The following C3 variants were observed in gnomAD, a reference collection of about 807,000 sequenced individuals.
C3 encodes complement C3.
In C3, 97 loss-of-function variants were observed where a neutral mutation model predicts 207.9. That is an observed-to-expected ratio of 0.47 (90% CI 0.40 to 0.55). C3 has a LOEUF of 0.55. C3 is among the 20% of genes least tolerant of loss of function. C3 has a pLI of 0.00. For synonymous variants in C3, 848 were observed against 857.6 expected (o/e 0.99, Z 0.20); for missense variants, 1,684 against 2,171.7 (o/e 0.78, Z 4.46).
chr19:6,715,771 G>A (rs952649975), intron 4 of C3, among the ~76,000 whole-genome samples: 2 of 150,436 alleles, frequency 1.3e-5, no homozygotes, highest in African/African-American at 4.9e-5. Flanking sequence ...ACAGGTGCCC[G>A]CCACCACGCC....
intron 2 of C3, among the ~76,000 whole-genome samples, 162 bp from the exon 3 acceptor site, chr19:6,718,574 G>C (rs1349985632): frequency 6.6e-6 from 1 of 151,894 alleles, no homozygotes; most frequent in Non-Finnish European, 1.5e-5. Context: ...GGTGCGAGGG[G>C]AGAGGGGGGA....
Position 6,719,493 on chromosome 19 carries a change from C to CA in C3, c.75-91_75-90insT. The CA allele has an allele frequency of 8.3e-7, 1 of 1,198,658 alleles. No individual in the cohort carries two copies. The highest frequency in any genetic ancestry group is 1.2e-6 in the Non-Finnish European group (1 of 821,716). 74.3% of individuals were successfully genotyped at this position (1,198,658 alleles called of 1,614,324 possible). On this transcript the variant is annotated intron_variant, in intron 1 of 40. Transcript: ENST00000245907. The surrounding 1 kb of genome is among the most constrained non-coding windows in gnomAD (Gnocchi z 5.4). ...GAGTCAGCGCCTGGCAGGCTGTGTG[C>CA]CCCAGCCTCTGGTCCTGGAGAGGAT...
intron 26 of C3, among the ~76,000 whole-genome samples, chr19:6,691,045 G>C (rs1481863664): frequency 6.9e-6 from 1 of 145,414 alleles, no homozygotes; most frequent in Admixed American, 7.1e-5. Flanking sequence ...AGCTCCTCAA[G>C]AGATATACAC....
rs1036878128 is a variant in C3, at chr19:6,684,427, T to C, written c.4133A>G (p.Gln1378Arg). The stretch of plus-strand genomic sequence containing the variant: ...AAGGATCATAGTGTTCTTGGCATCC[T>C]GAGGCCTCTTTTCTAGAAACACAGA... ...KPAPETEKRP[Q>R]DAKNTMILEI... The change falls in exon 33 of 41, where the codon CAG (glutamine) becomes CGG (arginine). Residue 1378 changes from glutamine (Q) to arginine (R), a missense_variant. By Grantham distance (43) the Gln-to-Arg change is conservative. Transcript: ENST00000245907. The C allele has an allele frequency of 1.2e-6, 2 of 1,613,826 alleles. No individual in the cohort carries two copies. Among genetic ancestry groups the C allele is most frequent in the Non-Finnish European group, 8.5e-7 (1 of 1,179,680 alleles).
rs755688377 is a variant in C3, at chr19:6,677,890, G to A, written c.4984C>T (p.Pro1662Ser). ...GGGGAATGGGGGTGTGGTCAGTTGGGGCACCCAAAGACAACCATGCTCTCG... is the reference window on the plus strand; with the variant it reads ...GGGGAATGGGGGTGTGGTCAGTTGGAGCACCCAAAGACAACCATGCTCTCG... Reference protein sequence around the residue: ...FTESMVVFGCPN With the variant: ...FTESMVVFGCSN Residue 1662 changes from proline to serine, a missense_variant, in exon 41 of 41, where the codon CCC becomes TCC. Pro to Ser is a moderately conservative substitution (Grantham distance 74). Coordinates refer to ENST00000245907, the MANE Select transcript of C3 (RefSeq NM_000064.4). 2 of 1,613,978 alleles carry A rather than the reference G, an allele frequency of 1.2e-6. No homozygotes were observed. Among genetic ancestry groups the A allele is most frequent in the Admixed American group, 3.3e-5 (2 of 60,010 alleles).
At chr19:6,686,447 T>C in intron 28 of C3, 160 bp from the exon 29 acceptor site, 1 of 784,546 alleles carries the variant, frequency 1.3e-6, no homozygotes, top group Non-Finnish European at 2.2e-6. Context: ...CTTACCTCTC[T>C]TGTTTCATCA....
At chr19:6,697,270 A>C (rs1273417349) in intron 21 of C3, 74 bp downstream of exon 21, 2 of 1,134,984 alleles carry the variant, frequency 1.8e-6, no homozygotes, top group Non-Finnish European at 2.7e-6. Context: ...CTGGATCTCC[A>C]ACCTGAGTCA....
chr19:6,699,760 AT>A (rs1412504655), intron 19 of C3, among the ~76,000 whole-genome samples: 3 of 152,110 alleles, frequency 2.0e-5, no homozygotes, highest in Non-Finnish European at 4.4e-5. Flanking sequence ...ATCATCAGTA[AT>A]TTTGATATAC....
At position 6,719,205 on chromosome 19, in the gene C3, A is replaced by C; in HGVS notation, c.267+6T>G. Reference sequence around the variant, plus strand: ...TCAGCCGGGTCCTGCGCCAGTCTGCACTCACCGTGAAGGTGACGTTGCCCA... The same window carrying C: ...TCAGCCGGGTCCTGCGCCAGTCTGCCCTCACCGTGAAGGTGACGTTGCCCA... On this transcript the variant is annotated splice_donor_region_variant and intron_variant, in intron 2 of 40. Coordinates refer to ENST00000245907, the MANE Select transcript of C3 (RefSeq NM_000064.4). The surrounding 1 kb of genome is among the most constrained non-coding windows in gnomAD (Gnocchi z 5.4). 6.2e-7 allele frequency: 1 copy of C among 1,612,834 alleles called. No individual in the cohort carries two copies. Among genetic ancestry groups the C allele is most frequent in the Non-Finnish European group, 8.5e-7 (1 of 1,178,978 alleles).
chr19:6,710,235 A>G (rs1967882629), intron 13 of C3, among the ~76,000 whole-genome samples: 1 of 104,710 alleles, frequency 9.6e-6, no homozygotes, highest in African/African-American at 3.6e-5. Context: ...AAGGAGAGAG[A>G]GGGAGAGAGA....
In C3 at chr19:6,682,222, C is replaced by G. The variant is rs200597513; in HGVS notation, c.4180G>C (p.Gly1394Arg). ...MILEICTRYRGDQDATMSILD... is the reference protein window; with the variant it reads ...MILEICTRYRRDQDATMSILD... ...ATAGACATAGTGGCATCCTGGTCTC[C>G]CCGGTACCTGGATAGTGCAGAAAGA... is the stretch of plus-strand genomic sequence containing the variant. The change falls in exon 34 of 41, where the codon GGA (glycine) becomes CGA (arginine). Residue 1394 changes from glycine (G) to arginine (R), a missense_variant. By Grantham distance (125) the Gly-to-Arg change is moderately radical. This residue lies in a region of C3 where 346 missense variants were observed against 380.1 expected (regional missense o/e 0.91). Transcript: ENST00000245907. 3.7e-6 allele frequency: 6 copies of G among 1,612,656 alleles called. No individual in the cohort carries two copies. The Admixed American group carries it at 8.3e-5, about 22-fold the overall frequency.
At chr19:6,703,924 G>T (rs1967722050) in intron 17 of C3, among the ~76,000 whole-genome samples, 1 of 152,016 alleles carries the variant, frequency 6.6e-6, no homozygotes. Context: ...CTCCAGCCTG[G>T]CGACAGAGCG....
At position 6,702,456 on chromosome 19, in the gene C3, G is replaced by A. The variant is rs773771655; in HGVS notation, c.2354+15C>T. 3.2e-6 allele frequency: 5 copies of A among 1,548,004 alleles called. No homozygotes were observed. The highest frequency in any genetic ancestry group is 4.5e-6 in the Non-Finnish European group (5 of 1,119,596). ...GACTCTGGGGTGGGTTGTACCGGGG[G>A]TACCCCGGCCTTACCCATTTTTCGG... On this transcript the variant is annotated intron_variant, in intron 18 of 40. Transcript: ENST00000245907.
chr19:6,691,055 C>CTTT lies in C3; in HGVS notation c.3391-331_3391-329dup, dbSNP rs112828808. Among the ~76,000 whole-genome samples the CTTT allele has an allele frequency of 1.2e-3, 161 of 131,750 alleles. 4 individuals carry two copies. Among genetic ancestry groups the CTTT allele is most frequent in the South Asian group, 9.5e-3 (38 of 4,010 alleles). The allele number at this position is 131,750 out of a possible 152,430, so 86.4% of individuals were successfully genotyped here. A position where few individuals can be genotyped will look rare whatever the true frequency, so the allele number is the denominator to read the frequency against. On this transcript the variant is annotated intron_variant, in intron 26 of 40. Coordinates refer to ENST00000245907, the MANE Select transcript of C3 (RefSeq NM_000064.4). ...CATCCAGCTCCTCAAGAGATATACACTTTTTTTTTTTTTTTTTGGGACAGT... is the reference window on the plus strand; with the variant it reads ...CATCCAGCTCCTCAAGAGATATACACTTTTTTTTTTTTTTTTTTTTGGGACAGT...
At chr19:6,702,704 CCTAG>C (rs1165208256) in intron 17 of C3, 125 bp from the exon 18 acceptor site, 80 of 741,744 alleles carry the variant, frequency 1.1e-4, no homozygotes. Context: ...TGGAGACCAG[CCTAG>C]CTAACATGGT....
chr19:6,690,586 A>C (rs1310909800), intron 27 of C3, 43 bp downstream of exon 27: 1 of 1,511,514 alleles, frequency 6.6e-7, no homozygotes, highest in Non-Finnish European at 9.2e-7. Flanking sequence ...TGTGCTCTGC[A>C]TCGGGTAAGG....
chr19:6,689,780 G>A (rs572443150), intron 27 of C3, among the ~76,000 whole-genome samples: 12 of 152,090 alleles, frequency 7.9e-5, no homozygotes, highest in African/African-American at 1.9e-4. Flanking sequence ...TCAGGAGTTC[G>A]AGACCAGCCT....
At chr19:6,680,910 G>A (rs533955452) in intron 35 of C3, among the ~76,000 whole-genome samples, 1 of 151,966 alleles carries the variant, frequency 6.6e-6, no homozygotes, top group Non-Finnish European at 1.5e-5. Context: ...GAAAATAACA[G>A]AAGAGGTGGC....
At position 6,677,874 on chromosome 19, in the gene C3, G is replaced by C; in HGVS notation, c.*8C>G. Reference sequence around the variant, plus strand: ...AGCTTTATCTGGAGTGGGGGAATGGGGGTGTGGTCAGTTGGGGCACCCAAA... The same window carrying C: ...AGCTTTATCTGGAGTGGGGGAATGGCGGTGTGGTCAGTTGGGGCACCCAAA... On this transcript the variant is annotated 3_prime_UTR_variant, in exon 41 of 41. Transcript: ENST00000245907. 1.2e-6 allele frequency: 2 copies of C among 1,613,954 alleles called. No individual in the cohort carries two copies. Among genetic ancestry groups the C allele is most frequent in the Non-Finnish European group, 1.7e-6 (2 of 1,180,022 alleles).
Sources: gnomAD v4.1 joint callset for allele counts (sites outside exome capture counted in the v4.1 genomes callset) on GRCh38, gnomAD v4.1.1 for gene constraint, gnomAD v4.1.1 regional missense constraint, Gnocchi (gnomAD v3.1) non-coding constraint, MANE v1.5 for transcripts, NCBI Gene and HGNC (gene_info 2026-07-23, HGNC 2026-07-21) for gene names.